EPB41L5: variants seen among roughly 807,000 people sequenced by gnomAD.
The protein encoded by EPB41L5 is erythrocyte membrane protein band 4.1 like 5, also known as band 4.1-like protein 5.
EPB41L5 carries 55 observed loss-of-function variants against 106.6 expected under a neutral mutation model. That is an observed-to-expected ratio of 0.52 (90% CI 0.42 to 0.65). The LOEUF (loss-of-function observed/expected upper bound fraction) is 0.65. Ranked by LOEUF, EPB41L5 falls within the 30% of genes least tolerant of loss-of-function variation. EPB41L5 has a pLI of 0.00. For synonymous variants in EPB41L5, 297 were observed against 306.7 expected (o/e 0.97, Z 0.33); for missense variants, 871 against 882.1 (o/e 0.99, Z 0.16).
chr2:120,115,480 C>T (rs1224097974), intron 16 of EPB41L5, among the ~76,000 whole-genome samples: 1 of 152,156 alleles, frequency 6.6e-6, no homozygotes, highest in African/African-American at 2.4e-5. Context: ...TCTCGGCTCA[C>T]TGCAACCTCC....
At chr2:120,103,979 C>T (rs1310242252) in intron 16 of EPB41L5, 15 of 1,414,488 alleles carry the variant, frequency 1.1e-5, no homozygotes, top group Non-Finnish European at 1.3e-5. Context: ...ATTACCTTTC[C>T]CCTTTATTGT....
chr2:120,159,583 C>T (rs1687058204), intron 20 of EPB41L5, among the ~76,000 whole-genome samples: 1 of 152,116 alleles, frequency 6.6e-6, no homozygotes. Flanking sequence ...CAAAAAAAAG[C>T]CCAAATAGCC....
chr2:120,095,222 T>G (rs184420132), intron 14 of EPB41L5, among the ~76,000 whole-genome samples: 13 of 152,328 alleles, frequency 8.5e-5, no homozygotes, highest in Admixed American at 7.2e-4. Flanking sequence ...TATGTGTTGT[T>G]AATTGTTATA....
At chr2:120,084,895 C>A (rs991962649) in intron 10 of EPB41L5, among the ~76,000 whole-genome samples, 1 of 152,184 alleles carries the variant, frequency 6.6e-6, no homozygotes, top group Non-Finnish European at 1.5e-5. Flanking sequence ...ATCACTGATA[C>A]CCTTTCTTCC....
intron 3 of EPB41L5, among the ~76,000 whole-genome samples, chr2:120,061,531 T>A (rs926919806): frequency 7.2e-4 from 109 of 151,876 alleles, no homozygotes; most frequent in Non-Finnish European, 9.0e-4. Context: ...CCTTTTTTTT[T>A]AATAGAGACA....
intron 16 of EPB41L5, among the ~76,000 whole-genome samples, chr2:120,111,999 T>C (rs778082717): frequency 2.6e-5 from 4 of 152,178 alleles, no homozygotes; most frequent in Non-Finnish European, 5.9e-5. Context: ...CAATCTCTTA[T>C]GGTTCATTCC....
intron 3 of EPB41L5, among the ~76,000 whole-genome samples, chr2:120,043,802 G>A (rs1679584055): frequency 6.6e-6 from 1 of 152,138 alleles, no homozygotes. Context: ...TGGAGTGGTA[G>A]AAGTAGTCAT....
Position 120,127,681 on chromosome 2 carries a change from A to G in EPB41L5, c.1338-7A>G, listed in dbSNP as rs540353131. The G allele has an allele frequency of 6.4e-7, 1 of 1,572,520 alleles. No homozygotes were observed. Among genetic ancestry groups the G allele is most frequent in the African/African-American group, 1.3e-5 (1 of 74,586 alleles). ...TGGTCTAAGTAAATTTTCTATTTCC[A>G]TTGCAGCATTCCTCTGAATATTGAT... On this transcript the variant is annotated splice_region_variant and splice_polypyrimidine_tract_variant and intron_variant, in intron 16 of 24. Coordinates refer to ENST00000263713, the MANE Select transcript of EPB41L5 (RefSeq NM_020909.4).
chr2:120,113,060 T>C (rs1217262162), intron 16 of EPB41L5, among the ~76,000 whole-genome samples: 1 of 152,178 alleles, frequency 6.6e-6, no homozygotes, highest in East Asian at 1.9e-4. Context: ...TGAATTCCAA[T>C]TGGTGGAAGA....
intron 3 of EPB41L5, among the ~76,000 whole-genome samples, chr2:120,063,681 C>G (rs986746352): frequency 6.6e-6 from 1 of 152,294 alleles, no homozygotes; most frequent in Non-Finnish European, 1.5e-5. Context: ...TGCAGTGGCT[C>G]ACGCCTGTAA....
chr2:120,041,296 G>C (rs1446306), intron 2 of EPB41L5, among the ~76,000 whole-genome samples: 87,015 of 151,890 alleles, frequency 0.57, 26,893 homozygotes, highest in Middle Eastern at 0.68. Context: ...GCAATGTGTT[G>C]TTTTGTTTCA....
intron 2 of EPB41L5, among the ~76,000 whole-genome samples, chr2:120,032,590 C>T (rs1041331529): frequency 6.6e-6 from 1 of 152,174 alleles, no homozygotes; most frequent in Non-Finnish European, 1.5e-5. Context: ...TCTGTCACTT[C>T]GTCTTCTGAC....
intron 16 of EPB41L5, among the ~76,000 whole-genome samples, chr2:120,108,658 A>T (rs1558882413): frequency 6.6e-6 from 1 of 152,210 alleles, no homozygotes. Context: ...GCAAAATACC[A>T]CTGGAATTTA....
chr2:120,168,358 C>T (rs1687511763), intron 24 of EPB41L5, among the ~76,000 whole-genome samples: 1 of 152,204 alleles, frequency 6.6e-6, no homozygotes, highest in Admixed American at 6.5e-5. Context: ...CCCGTCAACA[C>T]AGGTGAAGAG....
intron 2 of EPB41L5, among the ~76,000 whole-genome samples, chr2:120,035,318 G>A (rs74767393): frequency 0.01 from 1,541 of 152,108 alleles, 34 homozygotes; most frequent in East Asian, 0.077. Flanking sequence ...GGCCAGTCTC[G>A]GAACGCCTGG....
intron 3 of EPB41L5, among the ~76,000 whole-genome samples, chr2:120,046,164 A>T (rs754736346): frequency 6.6e-6 from 1 of 152,200 alleles, no homozygotes; most frequent in Non-Finnish European, 1.5e-5. Flanking sequence ...TCCTTTGAGT[A>T]TATACCCAGT....
At chr2:120,119,097 AT>A (rs545456624) in intron 16 of EPB41L5, among the ~76,000 whole-genome samples, 13 of 149,838 alleles carry the variant, frequency 8.7e-5, no homozygotes, top group East Asian at 2.0e-4. Flanking sequence ...TGATGTTGAG[AT>A]TTTTTTTTTA....
At chr2:120,124,908 T>C (rs1685392175) in intron 16 of EPB41L5, among the ~76,000 whole-genome samples, 1 of 152,218 alleles carries the variant, frequency 6.6e-6, no homozygotes, top group African/African-American at 2.4e-5. Context: ...ACTAATGTTT[T>C]GTTAAGGTGA....
chr2:120,022,549 A>T (rs1005228830), intron 2 of EPB41L5, among the ~76,000 whole-genome samples: 3 of 152,166 alleles, frequency 2.0e-5, no homozygotes, highest in Non-Finnish European at 4.4e-5. Context: ...TCCATGGGGT[A>T]TATGTGCCAC....
Sources: allele counts gnomAD v4.1 joint callset (sites outside exome capture counted in the v4.1 genomes callset), GRCh38; gene constraint gnomAD v4.1.1; transcripts MANE v1.5; gene names NCBI Gene and HGNC (gene_info 2026-07-23, HGNC 2026-07-21).